The following MED12L variants were observed in gnomAD, a reference collection of about 807,000 sequenced individuals.
MED12L encodes mediator of RNA polymerase II transcription subunit 12-like protein.
In MED12L, 60 loss-of-function variants were observed where a neutral mutation model predicts 281.3. The observed-to-expected ratio is 0.21, with a 90% CI of 0.17 to 0.26. MED12L has a LOEUF of 0.26. Ranked by LOEUF, MED12L falls within the 10% of genes least tolerant of loss-of-function variation. The probability of loss-of-function intolerance (pLI) is 1.00; values close to 1 mark genes in which losing one functional copy is unlikely to be tolerated. For missense variants in MED12L, 2,146 were observed against 2,680.9 expected (o/e 0.80, Z 4.41); for synonymous variants, 974 against 987.2 (o/e 0.99, Z 0.25).
intron 5 of MED12L, among the ~76,000 whole-genome samples, chr3:151,152,392 G>A (rs1367427000): frequency 2.0e-5 from 3 of 151,924 alleles, no homozygotes; most frequent in Admixed American, 2.0e-4. Flanking sequence ...GTGAGCCACC[G>A]CCTGGCCCAT....
At chr3:151,196,766 G>A (rs1458408943) in intron 16 of MED12L, among the ~76,000 whole-genome samples, 3 of 152,172 alleles carry the variant, frequency 2.0e-5, no homozygotes, top group Non-Finnish European at 2.9e-5. Flanking sequence ...TTTGTAATAG[G>A]CACTTCATGC....
At chr3:151,398,723 G>T (rs1211646873) in intron 39 of MED12L, among the ~76,000 whole-genome samples, 1 of 152,104 alleles carries the variant, frequency 6.6e-6, no homozygotes, top group Non-Finnish European at 1.5e-5. Flanking sequence ...AAATACAGTA[G>T]TCCTATCACC....
intron 2 of MED12L, among the ~76,000 whole-genome samples, chr3:151,106,072 G>C (rs2043171): frequency 0.5 from 75,670 of 151,680 alleles, 21,259 homozygotes; most frequent in African/African-American, 0.78. Flanking sequence ...CTACTATTAT[G>C]TGATCTTCCA....
intron 16 of MED12L, among the ~76,000 whole-genome samples, chr3:151,322,655 G>GAGTC (rs1749127616): frequency 6.6e-6 from 1 of 152,066 alleles, no homozygotes; most frequent in Admixed American, 6.6e-5. Flanking sequence ...ACTAAATTTA[G>GAGTC]AGTGTATAAT....
At chr3:151,196,322 GA>G (rs1724651034) in intron 16 of MED12L, among the ~76,000 whole-genome samples, 2 of 152,180 alleles carry the variant, frequency 1.3e-5, no homozygotes, top group African/African-American at 4.8e-5. Flanking sequence ...GAAGCCAAAG[GA>G]TATGCTAATA....
In MED12L at chr3:151,432,833, T is replaced by C; in HGVS notation, c.*29T>C. 6.3e-7 allele frequency: 1 copy of C among 1,586,892 alleles called. No individual in the cohort carries two copies. The highest frequency in any genetic ancestry group is 8.6e-7 in the Non-Finnish European group (1 of 1,158,372). On this transcript the variant is annotated 3_prime_UTR_variant, in exon 45 of 45. Transcript: ENST00000687756. ...TGCAAGAGGAGAAGACATGACGTTTTATGTTTGCACTGAAAAACAGAAAAT... is the reference window on the plus strand; with the variant it reads ...TGCAAGAGGAGAAGACATGACGTTTCATGTTTGCACTGAAAAACAGAAAAT...
intron 16 of MED12L, chr3:151,212,531 G>T (rs550158784): frequency 6.6e-6 from 1 of 152,132 alleles, no homozygotes; most frequent in East Asian, 1.9e-4. Context: ...AGGGGAAGTT[G>T]CTGATAACGT....
chr3:151,104,210 G>A (rs1418963453), intron 2 of MED12L, among the ~76,000 whole-genome samples: 1 of 152,160 alleles, frequency 6.6e-6, no homozygotes, highest in African/African-American at 2.4e-5. Flanking sequence ...TGGCTTTGAT[G>A]CAAATGTGGC....
chr3:151,329,967 G>T (rs903436828), intron 16 of MED12L, among the ~76,000 whole-genome samples: 1 of 152,124 alleles, frequency 6.6e-6, no homozygotes, highest in Admixed American at 6.5e-5. Context: ...ATTTTTGTAG[G>T]TATTTGACTT....
chr3:151,283,396 G>A (rs1743067943), intron 16 of MED12L, among the ~76,000 whole-genome samples: 1 of 152,210 alleles, frequency 6.6e-6, no homozygotes, highest in Non-Finnish European at 1.5e-5. Context: ...AAAAACTTTT[G>A]TATGTGTATT....
intron 8 of MED12L, 67 bp from the exon 9 acceptor site, chr3:151,163,826 A>T: frequency 2.7e-5 from 39 of 1,456,308 alleles, no homozygotes; most frequent in East Asian, 2.4e-5. Context: ...TGTCGTTTTT[A>T]CTGTTTAGCT....
At chr3:151,294,966 A>G in intron 16 of MED12L, 1 of 1,614,030 alleles carries the variant, frequency 6.2e-7, no homozygotes, top group East Asian at 2.2e-5. Context: ...CGAAATGGAA[A>G]TGTCAGCGTC....
At chr3:151,201,593 A>G (rs1175141231) in intron 16 of MED12L, among the ~76,000 whole-genome samples, 2 of 152,214 alleles carry the variant, frequency 1.3e-5, no homozygotes, top group East Asian at 1.9e-4. Context: ...CTTATTGGTC[A>G]TCTTCTAAGC....
At position 151,435,739 on chromosome 3, in the gene MED12L, G is replaced by GAATT. The variant is rs1023846444; in HGVS notation, c.*2938_*2941dup. ...AATATTCCCCAAATTAATTCAGGTT[G>GAATT]AATTAAGCATGTAATATAAATTCAG... On this transcript the variant is annotated 3_prime_UTR_variant, in exon 45 of 45. Coordinates refer to ENST00000687756, the MANE Select transcript of MED12L (RefSeq NM_001393769.1). 3 of 152,058 alleles carry GAATT rather than the reference G, an allele frequency of 2.0e-5. No homozygotes were observed. Among genetic ancestry groups the GAATT allele is most frequent in the African/African-American group, 4.8e-5 (2 of 41,410 alleles). 9.4% of individuals were successfully genotyped at this position (152,058 alleles called of 1,614,324 possible). A position where few individuals can be genotyped will look rare whatever the true frequency, so the allele number is the denominator to read the frequency against.
chr3:151,161,055 C>CTGT (rs1719916725), intron 8 of MED12L, among the ~76,000 whole-genome samples: 2 of 152,110 alleles, frequency 1.3e-5, no homozygotes, highest in Non-Finnish European at 2.9e-5. Context: ...AGAAGATGCC[C>CTGT]TGTGGGCCTT....
intron 32 of MED12L, among the ~76,000 whole-genome samples, chr3:151,382,086 G>A (rs16863350): frequency 0.07 from 10,610 of 152,162 alleles, 517 homozygotes; most frequent in Middle Eastern, 0.18. Flanking sequence ...CAGCATTAGT[G>A]TGAGTCAGTG....
chr3:151,150,502 A>G (rs1209914776), intron 5 of MED12L, among the ~76,000 whole-genome samples: 3 of 152,218 alleles, frequency 2.0e-5, no homozygotes, highest in South Asian at 2.1e-4. Flanking sequence ...CTTAAAGGCT[A>G]TAGGCTTTTC....
intron 16 of MED12L, among the ~76,000 whole-genome samples, chr3:151,247,945 T>A (rs935992931): frequency 4.3e-5 from 6 of 139,668 alleles, no homozygotes; most frequent in Non-Finnish European, 9.1e-5. Context: ...TTGTTTACTT[T>A]CTTTCTTCTT....
At chr3:151,284,403 G>A (rs1244035963) in intron 16 of MED12L, among the ~76,000 whole-genome samples, 3 of 152,110 alleles carry the variant, frequency 2.0e-5, no homozygotes, top group Non-Finnish European at 4.4e-5. Context: ...TTGTGGGAGG[G>A]TTGTGTGGTT....
Sources: gnomAD v4.1 joint callset for allele counts (sites outside exome capture counted in the v4.1 genomes callset) on GRCh38, gnomAD v4.1.1 for gene constraint, MANE v1.5 for transcripts, NCBI Gene and HGNC (gene_info 2026-07-23, HGNC 2026-07-21) for gene names.